The following ST18 variants were observed in gnomAD, a reference collection of about 807,000 sequenced individuals.
ST18 encodes the protein ST18 C2H2C-type zinc finger transcription factor, also known as suppression of tumorigenicity 18 protein.
In ST18, 50 loss-of-function variants were observed where a neutral mutation model predicts 110.0. That is an observed-to-expected ratio of 0.45 (90% CI 0.36 to 0.58). ST18 has a LOEUF of 0.58. ST18 is among the 20% of genes least tolerant of loss of function. The pLI is 0.00. For missense variants in ST18, 1,306 were observed against 1,280.1 expected, an observed-to-expected ratio of 1.02 and a Z score of -0.31; for synonymous variants, 461 against 452.4, an observed-to-expected ratio of 1.02 and a Z score of -0.24.
chr8:52,293,536 C>T (rs1025309201), intron 2 of ST18, among the ~76,000 whole-genome samples: 9 of 152,190 alleles, frequency 5.9e-5, no homozygotes, highest in Non-Finnish European at 1.2e-4. Context: ...TTCTGTCCCT[C>T]GGGTCAGTAG....
At position 52,241,667 on chromosome 8, in the gene ST18, C is replaced by T. The variant is rs76310700; in HGVS notation, c.-464-11590G>A. Among the ~76,000 whole-genome samples, 80 of 152,346 alleles carry T rather than the reference C, an allele frequency of 5.3e-4. No individual in the cohort carries two copies. In the East Asian group the frequency reaches 0.013, roughly 25 times the overall value. Reference sequence around the variant, plus strand: ...AGGCTTGTAAATATTTCTTAGTCAACTGATTGCACAGAACCTAAATAACTT... The same window carrying T: ...AGGCTTGTAAATATTTCTTAGTCAATTGATTGCACAGAACCTAAATAACTT... On this transcript the variant is annotated intron_variant, in intron 2 of 25. Coordinates refer to ENST00000689386, the MANE Select transcript of ST18 (RefSeq NM_001352837.2).
intron 2 of ST18, among the ~76,000 whole-genome samples, chr8:52,387,988 A>C (rs986109573): frequency 1.5e-5 from 2 of 134,392 alleles, no homozygotes; most frequent in Non-Finnish European, 3.1e-5. Flanking sequence ...ACTATTCTAC[A>C]GAAGGTGAAA....
intron 5 of ST18, chr8:52,220,454 C>T (rs1342867408): frequency 6.6e-6 from 1 of 152,098 alleles, no homozygotes; most frequent in Non-Finnish European, 1.5e-5. Flanking sequence ...ACCATTTTAA[C>T]AATCAAACTT....
At chr8:52,155,070 C>T (rs1274831049) in intron 15 of ST18, among the ~76,000 whole-genome samples, 3 of 149,960 alleles carry the variant, frequency 2.0e-5, no homozygotes, top group East Asian at 2.0e-4. Flanking sequence ...GGTGTGCTGG[C>T]GCACGCCGGT....
chr8:52,363,685 A>G (rs991528410), intron 2 of ST18, among the ~76,000 whole-genome samples: 1 of 151,970 alleles, frequency 6.6e-6, no homozygotes, highest in Non-Finnish European at 1.5e-5. Context: ...CAACTAAGGA[A>G]CTCTTCAGAC....
At chr8:52,249,765 G>A (rs1231626335) in intron 2 of ST18, among the ~76,000 whole-genome samples, 1 of 152,008 alleles carries the variant, frequency 6.6e-6, no homozygotes, top group Non-Finnish European at 1.5e-5. Flanking sequence ...TGCATATTTA[G>A]CCCAAACAAC....
chr8:52,268,370 C>A (rs2094941847), intron 2 of ST18, among the ~76,000 whole-genome samples: 1 of 152,266 alleles, frequency 6.6e-6, no homozygotes, highest in East Asian at 1.9e-4. Context: ...AGCTCCTTCC[C>A]AACATTCAGC....
intron 12 of ST18, among the ~76,000 whole-genome samples, chr8:52,164,467 A>G (rs1403345273): frequency 2.0e-5 from 3 of 152,248 alleles, no homozygotes; most frequent in Non-Finnish European, 2.9e-5. Flanking sequence ...GAAAAATTTT[A>G]GGAACTCAGT....
intron 2 of ST18, among the ~76,000 whole-genome samples, chr8:52,250,753 G>A (rs148009775): frequency 5.3e-5 from 8 of 151,816 alleles, no homozygotes; most frequent in African/African-American, 1.9e-4. Flanking sequence ...CAATTAACTG[G>A]CCACCAAGAG....
intron 2 of ST18, among the ~76,000 whole-genome samples, chr8:52,266,272 T>C (rs2094864743): frequency 6.6e-6 from 1 of 152,184 alleles, no homozygotes; most frequent in Non-Finnish European, 1.5e-5. Flanking sequence ...TTTCAGGATG[T>C]GTTACTGTGG....
intron 5 of ST18, among the ~76,000 whole-genome samples, chr8:52,218,591 G>A (rs2085349088): frequency 6.8e-6 from 1 of 146,096 alleles, no homozygotes; most frequent in Admixed American, 6.9e-5. Flanking sequence ...GTAGAGACTG[G>A]GTTTCACCAT....
At chr8:52,310,841 G>T (rs954466538) in intron 2 of ST18, among the ~76,000 whole-genome samples, 4 of 140,296 alleles carry the variant, frequency 2.9e-5, no homozygotes, top group Admixed American at 2.1e-4. Flanking sequence ...TGACTGATGA[G>T]ACCCAAGCCA....
chr8:52,293,145 A>G (rs959256160), intron 2 of ST18, among the ~76,000 whole-genome samples: 6 of 152,342 alleles, frequency 3.9e-5, no homozygotes, highest in African/African-American at 1.4e-4. Flanking sequence ...CTCCAACATG[A>G]CATAGGAAGT....
chr8:52,264,708 C>G (rs1217947152), intron 2 of ST18, among the ~76,000 whole-genome samples: 2 of 152,136 alleles, frequency 1.3e-5, no homozygotes, highest in Admixed American at 1.3e-4. Flanking sequence ...TATTCAAGAG[C>G]ATGTTTTGAA....
chr8:52,408,152 A>G (rs955085661), intron 2 of ST18, among the ~76,000 whole-genome samples: 1 of 152,216 alleles, frequency 6.6e-6, no homozygotes, highest in Non-Finnish European at 1.5e-5. Flanking sequence ...AACTAATTTA[A>G]TGTAGGACTA....
intron 2 of ST18, among the ~76,000 whole-genome samples, chr8:52,334,276 A>C (rs1242740082): frequency 1.3e-5 from 2 of 152,244 alleles, no homozygotes; most frequent in Non-Finnish European, 2.9e-5. Context: ...AAAAAATGTT[A>C]CGTTTGGCAA....
chr8:52,177,040 T>C (rs1008132204), intron 9 of ST18, among the ~76,000 whole-genome samples: 26 of 152,212 alleles, frequency 1.7e-4, no homozygotes, highest in Non-Finnish European at 3.4e-4. Context: ...AGAACTTCTA[T>C]GACTGTGACA....
intron 2 of ST18, among the ~76,000 whole-genome samples, chr8:52,231,127 G>A (rs990302937): frequency 3.3e-5 from 5 of 152,194 alleles, no homozygotes; most frequent in Admixed American, 6.5e-5. Context: ...CTAGATCATT[G>A]TGGGAAATTA....
At chr8:52,213,763 C>T (rs1005302351) in intron 7 of ST18, among the ~76,000 whole-genome samples, 1 of 152,130 alleles carries the variant, frequency 6.6e-6, no homozygotes, top group African/African-American at 2.4e-5. Context: ...AAAACAAACA[C>T]CATCATTTTA....
Sources: allele counts gnomAD v4.1 joint callset (sites outside exome capture counted in the v4.1 genomes callset), GRCh38; gene constraint gnomAD v4.1.1; transcripts MANE v1.5; gene names NCBI Gene and HGNC (gene_info 2026-07-23, HGNC 2026-07-21).